The following SEMA4D variants were observed in gnomAD, a reference collection of about 807,000 sequenced individuals.
The protein encoded by SEMA4D is semaphorin 4D, also known as semaphorin-4D.
SEMA4D carries 22 observed loss-of-function variants against 74.8 expected under a neutral mutation model. That is an observed-to-expected ratio of 0.29 (90% CI 0.21 to 0.42). The LOEUF (loss-of-function observed/expected upper bound fraction) is 0.42. Ranked by LOEUF, SEMA4D falls within the 10% of genes least tolerant of loss-of-function variation. SEMA4D has a pLI of 1.00. For missense variants in SEMA4D, 937 were observed against 1,118.4 expected (o/e 0.84, Z 2.31); for synonymous variants, 445 against 463.7 (o/e 0.96, Z 0.52).
chr9:89,392,385 A>G (rs776995994), intron 8 of SEMA4D, 38 bp downstream of exon 8: 1 of 1,417,920 alleles, frequency 7.1e-7, no homozygotes, highest in African/African-American at 1.4e-5. Context: ...TCATGAGGAG[A>G]CACGCACCTC....
At chr9:89,449,599 G>C in intron 2 of SEMA4D, 1 of 949,448 alleles carries the variant, frequency 1.1e-6, no homozygotes, top group South Asian at 1.3e-5. Flanking sequence ...CTATCGCCGA[G>C]GACCTGGTCG....
At chr9:89,450,304 G>A (rs1388468591) in intron 2 of SEMA4D, 2 of 916,154 alleles carry the variant, frequency 2.2e-6, no homozygotes, top group Admixed American at 1.7e-5. Flanking sequence ...ATGTACAAAT[G>A]AGACCCCTCC....
intron 4 of SEMA4D, among the ~76,000 whole-genome samples, chr9:89,401,324 T>C (rs1414186489): frequency 1.3e-5 from 2 of 152,174 alleles, no homozygotes; most frequent in African/African-American, 2.4e-5. Flanking sequence ...CCCACAGTGT[T>C]AGGATAACAT....
intron 10 of SEMA4D, 31 bp downstream of exon 10, chr9:89,388,841 C>A (rs1219538475): frequency 6.2e-7 from 1 of 1,608,640 alleles, no homozygotes. Flanking sequence ...ATCAAGGGAG[C>A]AAGGAGGGGG....
At chr9:89,479,474 C>A (rs1489055996) in intron 1 of SEMA4D, 1 of 167,224 alleles carries the variant, frequency 6.0e-6, no homozygotes, top group South Asian at 1.7e-4. Context: ...CCTCAAAGCC[C>A]CTGTATCCCC....
chr9:89,381,087 T>C lies in SEMA4D; in HGVS notation c.1631A>G (p.Gln544Arg). The change falls in exon 15 of 16, where the codon CAG becomes CGG. Residue 544 changes from glutamine (Q) to arginine (R), a missense_variant. By Grantham distance (43) the Gln-to-Arg change is conservative (BLOSUM62 1). Coordinates refer to ENST00000422704, the MANE Select transcript of SEMA4D (RefSeq NM_001371194.2). This position sits in a 1 kb window ranked among gnomAD's most constrained non-coding sequence, Gnocchi z 4.6. ...QTESPSRGLI[Q>R]EMSGDASVCP... ...CACAGAAGCATCGCCGCTCATCTCC[T>C]GAATCAAACCCCTGCAAAACAACCG... 1 of 1,614,132 alleles carries C rather than the reference T, an allele frequency of 6.2e-7. No individual in the cohort carries two copies. The highest frequency in any genetic ancestry group is 8.5e-7 in the Non-Finnish European group (1 of 1,180,034).
Position 89,381,397 on chromosome 9 carries a change from G to A in SEMA4D, c.1447-51C>T, listed in dbSNP as rs1156880567. On this transcript the variant is annotated intron_variant, in intron 13 of 15. Coordinates refer to ENST00000422704, the MANE Select transcript of SEMA4D (RefSeq NM_001371194.2). This position sits in a 1 kb window ranked among gnomAD's most constrained non-coding sequence, Gnocchi z 4.6. ...TAGCATCAGGCAAGCAGGCATCCAG[G>A]AGCATGGCCTCTGCTTCTGCACCAG... 5.6e-6 allele frequency: 8 copies of A among 1,432,788 alleles called. No homozygotes were observed. In the Admixed American group the frequency reaches 8.5e-5, roughly 15 times the overall value. 88.8% of individuals were successfully genotyped at this position (1,432,788 alleles called of 1,614,324 possible). A position where few individuals can be genotyped will look rare whatever the true frequency, so the allele number is the denominator to read the frequency against.
At chr9:89,432,014 T>C (rs1412571932) in intron 2 of SEMA4D, among the ~76,000 whole-genome samples, 2 of 148,900 alleles carry the variant, frequency 1.3e-5, no homozygotes, top group Non-Finnish European at 3.0e-5. Context: ...TGTGCTGCTC[T>C]GCCATGACAA....
chr9:89,381,867 G>C lies in SEMA4D; in HGVS notation c.1447-521C>G, dbSNP rs1049314143. The C allele has an allele frequency of 6.5e-6, 1 of 153,616 alleles. No individual in the cohort carries two copies. Among genetic ancestry groups the C allele is most frequent in the African/African-American group, 2.4e-5 (1 of 41,516 alleles). The allele number at this position is 153,616 out of a possible 1,614,324, so 9.5% of individuals were successfully genotyped here. A position where few individuals can be genotyped will look rare whatever the true frequency, so the allele number is the denominator to read the frequency against. The stretch of plus-strand genomic sequence containing the variant: ...TCGTGAGGGTCTGGATCCAGCAGAG[G>C]CCTAACATAACAGGGATGCCAAACG... On this transcript the variant is annotated intron_variant, in intron 13 of 15. Coordinates refer to ENST00000422704, the MANE Select transcript of SEMA4D (RefSeq NM_001371194.2). This position sits in a 1 kb window ranked among gnomAD's most constrained non-coding sequence, Gnocchi z 4.6.
intron 2 of SEMA4D, among the ~76,000 whole-genome samples, chr9:89,427,134 C>G (rs960743471): frequency 2.6e-5 from 4 of 152,176 alleles, no homozygotes; most frequent in Non-Finnish European, 5.9e-5. Flanking sequence ...GAATTATAGT[C>G]AATCCCCACG....
intron 1 of SEMA4D, among the ~76,000 whole-genome samples, chr9:89,471,317 T>C (rs767785569): frequency 6.6e-6 from 1 of 152,328 alleles, no homozygotes; most frequent in Middle Eastern, 3.4e-3. Flanking sequence ...ATGTACTTAA[T>C]GCCACTAAAC....
chr9:89,487,017 G>T (rs985222206), intron 1 of SEMA4D, among the ~76,000 whole-genome samples: 3 of 152,052 alleles, frequency 2.0e-5, no homozygotes, highest in Non-Finnish European at 4.4e-5. Context: ...TCAAATCATT[G>T]TGTGGGGCAA....
intron 2 of SEMA4D, among the ~76,000 whole-genome samples, chr9:89,453,857 C>CT (rs11300976): frequency 0.2 from 25,542 of 127,846 alleles, 2,857 homozygotes; most frequent in Non-Finnish European, 0.26. Flanking sequence ...GAATATATGT[C>CT]TTTTTTTTTT....
rs1843581301 is a variant in SEMA4D at position 89,407,557 on chromosome 9, T to C, written c.-243-1858A>G. On this transcript the variant is annotated intron_variant, in intron 2 of 15. Coordinates refer to ENST00000422704, the MANE Select transcript of SEMA4D (RefSeq NM_001371194.2). ...CCAAACTGACACAACCTCCCTCCAG[T>C]CCACTGCCACAAAGTAGCAGTGGCC... Among the ~76,000 whole-genome samples the C allele has an allele frequency of 2.6e-5, 4 of 152,214 alleles. No homozygotes were observed. In the South Asian group the frequency reaches 8.3e-4, roughly 31 times the overall value.
intron 1 of SEMA4D, among the ~76,000 whole-genome samples, chr9:89,457,976 T>C (rs2135587377): frequency 6.6e-6 from 1 of 152,304 alleles, no homozygotes; most frequent in South Asian, 2.1e-4. Context: ...GAGGTTGCAG[T>C]GAGCCAAGAT....
chr9:89,374,946 G>T (rs763017971), downstream of SEMA4D, among the ~76,000 whole-genome samples: 8 of 152,188 alleles, frequency 5.3e-5, no homozygotes, highest in Non-Finnish European at 8.8e-5. Flanking sequence ...CCAGCTACTA[G>T]GGGGGCTGAT....
At chr9:89,383,313 A>T (rs1481944863) in intron 13 of SEMA4D, among the ~76,000 whole-genome samples, 1 of 152,180 alleles carries the variant, frequency 6.6e-6, no homozygotes, top group South Asian at 2.1e-4. Context: ...CACACTCGAC[A>T]TGGAAAAAGA....
At chr9:89,409,110 C>T (rs1281536903) in intron 2 of SEMA4D, among the ~76,000 whole-genome samples, 1 of 152,132 alleles carries the variant, frequency 6.6e-6, no homozygotes, top group Non-Finnish European at 1.5e-5. Context: ...AATAAATAAG[C>T]CATTAGGCCA....
At chr9:89,363,540 C>T (rs199560281) in intron 17 of SEMA4D, 3 of 1,613,774 alleles carry the variant, frequency 1.9e-6, no homozygotes, top group Non-Finnish European at 2.5e-6. Flanking sequence ...GGAAAACAAG[C>T]AGGGTCCCCA....
Sources: gnomAD v4.1 joint callset for allele counts (sites outside exome capture counted in the v4.1 genomes callset) on GRCh38, gnomAD v4.1.1 for gene constraint, Gnocchi (gnomAD v3.1) non-coding constraint, MANE v1.5 for transcripts, NCBI Gene and HGNC (gene_info 2026-07-23, HGNC 2026-07-21) for gene names.